The following CSMD1 variants were observed in gnomAD, a reference collection of about 807,000 sequenced individuals.
CSMD1 encodes the protein CUB and sushi domain-containing protein 1.
A neutral mutation model predicts 417.5 loss-of-function variants in CSMD1; 213 were observed. The ratio of observed to expected loss-of-function variants is 0.51; its 90% CI spans 0.46 to 0.57. CSMD1 has a LOEUF of 0.57. Among genes scored for constraint, CSMD1 ranks in the 20% least tolerant of loss-of-function variants. CSMD1 has a pLI of 0.00. For missense variants in CSMD1, 6,923 were observed against 4,529.7 expected, an observed-to-expected ratio of 1.53 and a Z score of -15.17; for synonymous variants, 2,862 against 1,736.8, an observed-to-expected ratio of 1.65 and a Z score of -16.11.
intron 3 of CSMD1, among the ~76,000 whole-genome samples, chr8:4,148,681 C>T (rs908087060): frequency 3.3e-5 from 5 of 152,086 alleles, no homozygotes; most frequent in African/African-American, 1.2e-4. Context: ...CCTCGTGTCT[C>T]TTCTAGTAAG....
intron 3 of CSMD1, among the ~76,000 whole-genome samples, chr8:4,338,493 G>A (rs1466966362): frequency 6.6e-6 from 1 of 152,076 alleles, no homozygotes; most frequent in Non-Finnish European, 1.5e-5. Context: ...TCTACCTCGG[G>A]ATATTGTACT....
rs1348062287 is a variant in CSMD1, at chr8:3,219,378, G to A, written c.4549C>T (p.Leu1517Phe). 7 of 1,567,220 alleles carry A rather than the reference G, an allele frequency of 4.5e-6. No homozygotes were observed. The highest frequency in any genetic ancestry group is 1.4e-5 in the African/African-American group (1 of 73,758). Residue 1517 changes from leucine (L) to phenylalanine (F), a missense_variant, in exon 29 of 70, where the codon CTC (leucine) becomes TTC (phenylalanine). Physicochemically the swap from Leu to Phe is conservative, Grantham distance 22. Transcript: ENST00000635120. ...IYEGEDSNSP[L>F]IGSYQGSQAP... ...TGAGAGCCCTGGTAACTCCCAATGA[G>A]GGGGCTGTTGGAATCTTCCCCTTCA...
intron 1 of CSMD1, among the ~76,000 whole-genome samples, chr8:4,894,238 A>C (rs1362785806): frequency 6.6e-6 from 1 of 152,152 alleles, no homozygotes; most frequent in Non-Finnish European, 1.5e-5. Flanking sequence ...GAATTTGAAG[A>C]ATAAGCTTTG....
At chr8:3,705,588 A>C (rs1801123340) in intron 7 of CSMD1, among the ~76,000 whole-genome samples, 1 of 152,242 alleles carries the variant, frequency 6.6e-6, no homozygotes, top group Non-Finnish European at 1.5e-5. Flanking sequence ...AGAATAAAAA[A>C]TACTAAGATG....
At chr8:4,891,482 G>A (rs1352526946) in intron 1 of CSMD1, among the ~76,000 whole-genome samples, 1 of 151,998 alleles carries the variant, frequency 6.6e-6, no homozygotes, top group South Asian at 2.1e-4. Context: ...TAATTTGAAA[G>A]GTCTGTAATT....
intron 3 of CSMD1, among the ~76,000 whole-genome samples, chr8:4,188,105 TG>T (rs1391739310): frequency 3.9e-5 from 6 of 152,118 alleles, no homozygotes; most frequent in Non-Finnish European, 7.4e-5. Context: ...ATGCACGACA[TG>T]TAATTAAAAA....
intron 12 of CSMD1, among the ~76,000 whole-genome samples, chr8:3,431,079 C>A (rs1875071): frequency 1.3e-5 from 2 of 152,044 alleles, no homozygotes; most frequent in African/African-American, 4.8e-5. Flanking sequence ...TCCAGGCTTC[C>A]AGACTTTCTG....
At chr8:2,967,016 A>G (rs998978509) in intron 57 of CSMD1, among the ~76,000 whole-genome samples, 11 of 152,200 alleles carry the variant, frequency 7.2e-5, no homozygotes, top group African/African-American at 2.7e-4. Context: ...TAAAGCACTA[A>G]AAGTTCAAGG....
At chr8:4,569,091 C>G (rs1453634939) in intron 2 of CSMD1, among the ~76,000 whole-genome samples, 1 of 151,936 alleles carries the variant, frequency 6.6e-6, no homozygotes, top group African/African-American at 2.4e-5. Flanking sequence ...TCACTGTTCA[C>G]TGTGATGATA....
At position 3,367,022 on chromosome 8, in the gene CSMD1, A is replaced by T; in HGVS notation, c.3115+10T>A. On this transcript the variant is annotated intron_variant, in intron 20 of 69. Transcript: ENST00000635120. ...CCAGAGGAGAGAAACAGCAAACAAGACCAACATACCTGAAAATGTGATATT... is the reference window on the plus strand; with the variant it reads ...CCAGAGGAGAGAAACAGCAAACAAGTCCAACATACCTGAAAATGTGATATT... 1 of 1,605,808 alleles carries T rather than the reference A, an allele frequency of 6.2e-7. No individual in the cohort carries two copies. Among genetic ancestry groups the T allele is most frequent in the Non-Finnish European group, 8.5e-7 (1 of 1,173,278 alleles).
intron 6 of CSMD1, among the ~76,000 whole-genome samples, chr8:3,741,235 A>AAAAC (rs1796788544): frequency 6.6e-6 from 1 of 150,748 alleles, no homozygotes; most frequent in African/African-American, 2.4e-5. Context: ...AAAAAAAAAA[A>AAAAC]AAAAAACATA....
At chr8:4,132,539 G>A (rs1027455560) in intron 3 of CSMD1, among the ~76,000 whole-genome samples, 1 of 152,094 alleles carries the variant, frequency 6.6e-6, no homozygotes, top group Non-Finnish European at 1.5e-5. Flanking sequence ...ATTTTAAAAT[G>A]CAAAGGGGGC....
intron 3 of CSMD1, among the ~76,000 whole-genome samples, chr8:4,277,878 G>C (rs918088428): frequency 6.6e-6 from 1 of 152,008 alleles, no homozygotes; most frequent in Non-Finnish European, 1.5e-5. Context: ...CTCCCGAGTA[G>C]ATGGGACTAC....
intron 5 of CSMD1, among the ~76,000 whole-genome samples, chr8:3,777,641 G>A (rs916891840): frequency 6.6e-6 from 1 of 152,188 alleles, no homozygotes; most frequent in Non-Finnish European, 1.5e-5. Context: ...CCAGCAACAA[G>A]AACTCCTCCA....
At chr8:3,180,965 T>C in intron 37 of CSMD1, 145 bp downstream of exon 37, 1 of 626,556 alleles carries the variant, frequency 1.6e-6, no homozygotes. Flanking sequence ...TAGAGCCAGA[T>C]TTCATAACAC....
At chr8:4,399,815 T>C (rs1585016121) in intron 3 of CSMD1, among the ~76,000 whole-genome samples, 1 of 152,200 alleles carries the variant, frequency 6.6e-6, no homozygotes, top group East Asian at 1.9e-4. Context: ...AGGAAGCTAT[T>C]AAAATAAGTT....
chr8:4,247,508 A>G (rs1563332232), intron 3 of CSMD1, among the ~76,000 whole-genome samples: 1 of 152,166 alleles, frequency 6.6e-6, no homozygotes, highest in Non-Finnish European at 1.5e-5. Flanking sequence ...CTTTCGGTGT[A>G]GAAATTTACT....
At chr8:4,810,566 TG>T (rs370359430) in intron 1 of CSMD1, among the ~76,000 whole-genome samples, 6 of 152,104 alleles carry the variant, frequency 3.9e-5, no homozygotes, top group Non-Finnish European at 8.8e-5. Flanking sequence ...TGTGTGTATG[TG>T]GGGGGTGGTG....
intron 3 of CSMD1, among the ~76,000 whole-genome samples, chr8:4,419,520 CTCTT>C (rs1331802416): frequency 6.6e-6 from 1 of 152,104 alleles, no homozygotes; most frequent in Non-Finnish European, 1.5e-5. Flanking sequence ...TTAATTTTCT[CTCTT>C]AAAAATTTCA....
Sources: gnomAD v4.1 joint callset for allele counts (sites outside exome capture counted in the v4.1 genomes callset) on GRCh38, gnomAD v4.1.1 for gene constraint, MANE v1.5 for transcripts, NCBI Gene and HGNC (gene_info 2026-07-23, HGNC 2026-07-21) for gene names.